The following MCUB variants were observed in gnomAD, a reference collection of about 807,000 sequenced individuals.
The protein encoded by MCUB is calcium uniporter regulatory subunit MCUb, mitochondrial.
Under a neutral mutation model 41.4 loss-of-function variants are expected in MCUB, and 46 were observed. The ratio of observed to expected loss-of-function variants is 1.11; its 90% CI spans 0.88 to 1.42. The LOEUF (loss-of-function observed/expected upper bound fraction) is 1.42, where lower values mean the gene tolerates loss of function less well. MCUB is among the 40% of genes most tolerant of loss of function. The pLI, the probability that MCUB is intolerant of heterozygous loss-of-function variation, is 0.00. For missense variants in MCUB, 403 were observed against 404.9 expected, an observed-to-expected ratio of 1.00 and a Z score of 0.04; for synonymous variants, 148 against 148.2, an observed-to-expected ratio of 1.00 and a Z score of 0.01.
At chr4:109,668,839 A>G (rs1729397824) in intron 4 of MCUB, among the ~76,000 whole-genome samples, 1 of 151,982 alleles carries the variant, frequency 6.6e-6, no homozygotes, top group South Asian at 2.1e-4. Flanking sequence ...AAGAGTTTGC[A>G]ATATACATTT....
chr4:109,596,308 C>G (rs2126129598), intron 1 of MCUB, among the ~76,000 whole-genome samples: 1 of 115,424 alleles, frequency 8.7e-6, no homozygotes, highest in African/African-American at 3.4e-5. Context: ...CAGACTGGGG[C>G]TTCCTATGGC....
chr4:109,678,922 C>T (rs1729648440), intron 4 of MCUB, among the ~76,000 whole-genome samples: 1 of 145,592 alleles, frequency 6.9e-6, no homozygotes, highest in Non-Finnish European at 1.5e-5. Flanking sequence ...CAGAGGCGCT[C>T]CTCACATCCC....
At chr4:109,630,435 C>T (rs1254298525) in intron 1 of MCUB, among the ~76,000 whole-genome samples, 2 of 152,116 alleles carry the variant, frequency 1.3e-5, no homozygotes, top group Non-Finnish European at 2.9e-5. Context: ...ACATTCCAGC[C>T]TGGGTGACAC....
intron 1 of MCUB, among the ~76,000 whole-genome samples, chr4:109,620,453 G>A (rs1441774625): frequency 6.7e-6 from 1 of 149,938 alleles, no homozygotes; most frequent in East Asian, 1.9e-4. Flanking sequence ...ACCCTAAAAT[G>A]TATTGTACAT....
At position 109,622,787 on chromosome 4, in the gene MCUB, C is replaced by T. The variant is rs117255323; in HGVS notation, c.100-36224C>T. 3.7e-3 allele frequency among the ~76,000 whole-genome samples: 568 copies of T among 152,116 alleles called. 7 individuals carry two copies. Among genetic ancestry groups the T allele is most frequent in the East Asian group, 0.015 (77 of 5,174 alleles). On this transcript the variant is annotated intron_variant, in intron 1 of 7. Transcript: ENST00000394650. ...TGGTGTGAAGCAATGTGCATTTGGT[C>T]GAAACTGTACTTTGAATTTTGATCT...
chr4:109,578,492 A>G (rs1311825742), intron 1 of MCUB, among the ~76,000 whole-genome samples: 1 of 150,982 alleles, frequency 6.6e-6, no homozygotes, highest in Non-Finnish European at 1.5e-5. Flanking sequence ...TGAATCTCAT[A>G]CTTTTTTTTT....
intron 1 of MCUB, among the ~76,000 whole-genome samples, chr4:109,638,334 G>A (rs1434451917): frequency 6.6e-6 from 1 of 151,848 alleles, no homozygotes; most frequent in Non-Finnish European, 1.5e-5. Context: ...TCCAGCCTGG[G>A]CAACAGAGCG....
intron 1 of MCUB, among the ~76,000 whole-genome samples, chr4:109,561,867 G>A (rs1401098677): frequency 1.3e-5 from 2 of 152,094 alleles, no homozygotes; most frequent in Non-Finnish European, 2.9e-5. Context: ...TCCTACCTCA[G>A]CCTCCCCAGA....
chr4:109,641,694 A>C (rs1728718986), intron 1 of MCUB, among the ~76,000 whole-genome samples: 1 of 152,208 alleles, frequency 6.6e-6, no homozygotes. Flanking sequence ...AAGCACAATA[A>C]AATGAAGTAT....
intron 1 of MCUB, among the ~76,000 whole-genome samples, chr4:109,586,854 A>G (rs1322095261): frequency 1.3e-5 from 2 of 152,102 alleles, no homozygotes; most frequent in Non-Finnish European, 2.9e-5. Flanking sequence ...GCAGCTGCCT[A>G]TATGAGGTGT....
chr4:109,680,661 A>G (rs1370106431), intron 4 of MCUB, among the ~76,000 whole-genome samples: 1 of 152,166 alleles, frequency 6.6e-6, no homozygotes. Flanking sequence ...AGCCTAGACT[A>G]TGGAAGGGGG....
chr4:109,578,508 A>G (rs1727087142), intron 1 of MCUB, among the ~76,000 whole-genome samples: 1 of 149,152 alleles, frequency 6.7e-6, no homozygotes, highest in African/African-American at 2.5e-5. Context: ...TTTTTTTTTG[A>G]AACAGATTTA....
chr4:109,680,379 G>A (rs1428742579), intron 4 of MCUB, among the ~76,000 whole-genome samples: 1 of 152,034 alleles, frequency 6.6e-6, no homozygotes, highest in African/African-American at 2.4e-5. Context: ...TGTTCACCCT[G>A]CCCATTCTGT....
intron 1 of MCUB, among the ~76,000 whole-genome samples, chr4:109,608,332 G>A (rs928771383): frequency 6.6e-6 from 1 of 152,004 alleles, no homozygotes; most frequent in Non-Finnish European, 1.5e-5. Flanking sequence ...CTTCAAAACA[G>A]CTATTTTGAG....
intron 1 of MCUB, among the ~76,000 whole-genome samples, chr4:109,567,641 C>A (rs1404510737): frequency 8.8e-6 from 1 of 113,644 alleles, no homozygotes; most frequent in Non-Finnish European, 1.8e-5. Flanking sequence ...TCTCGATCTC[C>A]AAAAACAAAC....
At position 109,565,125 on chromosome 4, in the gene MCUB, A is replaced by G. The variant is rs141101056; in HGVS notation, c.99+4689A>G. Among the ~76,000 whole-genome samples, 294 of 152,308 alleles carry G rather than the reference A, an allele frequency of 1.9e-3. 2 individuals carry two copies. Among genetic ancestry groups the G allele is most frequent in the African/African-American group, 6.9e-3 (285 of 41,570 alleles). On this transcript the variant is annotated intron_variant, in intron 1 of 7. Coordinates refer to ENST00000394650, the MANE Select transcript of MCUB (RefSeq NM_017918.5). ...ATTTATGCATCACTTTTTTCCCATTAAAAGATGCTTATGGAAAAATGGGTG... is the reference window on the plus strand; with the variant it reads ...ATTTATGCATCACTTTTTTCCCATTGAAAGATGCTTATGGAAAAATGGGTG...
At chr4:109,573,282 C>T (rs977856416) in intron 1 of MCUB, among the ~76,000 whole-genome samples, 2 of 152,072 alleles carry the variant, frequency 1.3e-5, no homozygotes, top group African/African-American at 4.8e-5. Context: ...GAAACCCCAT[C>T]TCTACTAAAA....
chr4:109,573,836 A>G lies in MCUB; in HGVS notation c.99+13400A>G, dbSNP rs1269448365. Among the ~76,000 whole-genome samples the G allele has an allele frequency of 2.0e-5, 3 of 149,622 alleles. No individual in the cohort carries two copies. The East Asian group carries it at 6.0e-4, about 30-fold the overall frequency. ...TTCAGAAGATGATTAAGATGGTGAG[A>G]GTTCTTGTAGGAGATGATTAAAAGG... On this transcript the variant is annotated intron_variant, in intron 1 of 7. Coordinates refer to ENST00000394650, the MANE Select transcript of MCUB (RefSeq NM_017918.5).
At chr4:109,596,280 C>T (rs1243710617) in intron 1 of MCUB, among the ~76,000 whole-genome samples, 1 of 88,260 alleles carries the variant, frequency 1.1e-5, no homozygotes, top group African/African-American at 4.6e-5. Context: ...GGATTTCTGG[C>T]TCTGTCATAT....
Sources: allele counts gnomAD v4.1 joint callset (sites outside exome capture counted in the v4.1 genomes callset), GRCh38; gene constraint gnomAD v4.1.1; transcripts MANE v1.5; gene names NCBI Gene and HGNC (gene_info 2026-07-23, HGNC 2026-07-21).